TENM2: variants seen among roughly 807,000 people sequenced by gnomAD.
The protein encoded by TENM2 is teneurin-2.
Under a neutral mutation model 245.2 loss-of-function variants are expected in TENM2, and 52 were observed. The ratio of observed to expected loss-of-function variants is 0.21; its 90% CI spans 0.17 to 0.27. TENM2 has a LOEUF of 0.27. TENM2 is among the 10% of genes least tolerant of loss of function. The pLI, the probability that TENM2 is intolerant of heterozygous loss-of-function variation, is 1.00. For missense variants in TENM2, 3,046 were observed against 3,666.8 expected, an observed-to-expected ratio of 0.83 and a Z score of 4.37; for synonymous variants, 1,363 against 1,438.9, an observed-to-expected ratio of 0.95 and a Z score of 1.19.
intron 10 of TENM2, among the ~76,000 whole-genome samples, chr5:168,120,331 C>T (rs1795382718): frequency 6.6e-6 from 1 of 152,212 alleles, no homozygotes; most frequent in Admixed American, 6.5e-5. Context: ...ATTTAATAAC[C>T]CTGCTTGAAA....
chr5:167,180,768 C>T, the TENM2 span, among the ~76,000 whole-genome samples: 1 of 151,846 alleles, frequency 6.6e-6, no homozygotes, highest in African/African-American at 2.4e-5. Context: ...AATACATTTA[C>T]TATTCATTAA....
intron 2 of TENM2, among the ~76,000 whole-genome samples, chr5:167,704,828 A>T (rs34455837): frequency 0.064 from 9,663 of 152,166 alleles, 633 homozygotes; most frequent in East Asian, 0.3. Context: ...AAGAAATATG[A>T]TGTCTTCGAG....
chr5:167,647,612 G>T (rs1780050307), intron 2 of TENM2, among the ~76,000 whole-genome samples: 1 of 151,978 alleles, frequency 6.6e-6, no homozygotes. Flanking sequence ...AACAGAGAGA[G>T]ACTTAGTCTC....
intron 2 of TENM2, among the ~76,000 whole-genome samples, chr5:167,427,387 A>T (rs193262102): frequency 6.6e-6 from 1 of 151,874 alleles, no homozygotes; most frequent in African/African-American, 2.4e-5. Flanking sequence ...CAGGAGGTGG[A>T]TAGTCCAGTG....
At chr5:167,241,616 A>G in the TENM2 span, among the ~76,000 whole-genome samples, 161 of 152,338 alleles carry the variant, frequency 1.1e-3, no homozygotes, top group African/African-American at 3.8e-3. Flanking sequence ...GTGCTTCACA[A>G]AGAAAGGATT....
At chr5:168,240,994 C>G (rs952721141) in intron 25 of TENM2, 2 of 152,226 alleles carry the variant, frequency 1.3e-5, no homozygotes, top group Non-Finnish European at 2.9e-5. Flanking sequence ...AGGAGAAGAC[C>G]TATCTTTCTG....
At chr5:168,115,420 G>GA (rs1795005454) in intron 9 of TENM2, among the ~76,000 whole-genome samples, 1 of 137,622 alleles carries the variant, frequency 7.3e-6, no homozygotes, top group Admixed American at 7.2e-5. Context: ...GAAAGGAAAG[G>GA]AAGGAAAGAA....
intron 2 of TENM2, among the ~76,000 whole-genome samples, chr5:167,858,594 G>C (rs545218129): frequency 3.9e-5 from 6 of 152,042 alleles, no homozygotes; most frequent in South Asian, 2.1e-4. Flanking sequence ...GAGCCCGTCC[G>C]GCCATGGTGG....
chr5:168,021,256 G>T (rs547771545), intron 5 of TENM2, among the ~76,000 whole-genome samples: 1 of 152,296 alleles, frequency 6.6e-6, no homozygotes, highest in Admixed American at 6.5e-5. Context: ...AGGCATGAGG[G>T]CACTGGTTTC....
Position 167,349,209 on chromosome 5 carries a change from C to G in TENM2, c.227-25989C>G, listed in dbSNP as rs2061369541. Among the ~76,000 whole-genome samples, 6 of 152,202 alleles carry G rather than the reference C, an allele frequency of 3.9e-5. No homozygotes were observed. In the South Asian group the frequency reaches 1.2e-3, roughly 32 times the overall value. ...CAGCTCCGGGCATCAACTGGTTCAA[C>G]TTCAACCTCACCTTGTCATGGTTGG... On this transcript the variant is annotated intron_variant, in intron 1 of 28. Transcript: ENST00000518659.
intron 9 of TENM2, among the ~76,000 whole-genome samples, chr5:168,104,745 C>A (rs573730576): frequency 6.6e-6 from 1 of 152,022 alleles, no homozygotes; most frequent in Admixed American, 6.6e-5. Flanking sequence ...GCGTTTATTC[C>A]GCAGCCCTCA....
the TENM2 span, among the ~76,000 whole-genome samples, chr5:167,055,898 CT>C: frequency 1.3e-5 from 2 of 151,880 alleles, no homozygotes; most frequent in African/African-American, 4.8e-5. Flanking sequence ...TATACCGCTT[CT>C]TTTCTTTTCT....
the TENM2 span, among the ~76,000 whole-genome samples, chr5:167,085,909 G>A: frequency 1.3e-5 from 2 of 152,136 alleles, no homozygotes; most frequent in African/African-American, 4.8e-5. Flanking sequence ...TGCTCACGGC[G>A]ATCACTACTC....
chr5:168,012,982 A>G (rs1201987273), intron 5 of TENM2, among the ~76,000 whole-genome samples: 2 of 152,032 alleles, frequency 1.3e-5, no homozygotes, highest in African/African-American at 4.8e-5. Context: ...CTCATTGTCT[A>G]AGGATGTCTG....
At chr5:167,594,108 T>A (rs989451900) in intron 2 of TENM2, among the ~76,000 whole-genome samples, 1 of 152,146 alleles carries the variant, frequency 6.6e-6, no homozygotes, top group Non-Finnish European at 1.5e-5. Context: ...AATTTAAAAA[T>A]ATACAGTATT....
chr5:167,916,844 G>A (rs1776989236), intron 3 of TENM2, among the ~76,000 whole-genome samples: 1 of 152,232 alleles, frequency 6.6e-6, no homozygotes, highest in African/African-American at 2.4e-5. Flanking sequence ...AAAACCATCA[G>A]CCCAGGCTCT....
chr5:167,694,586 C>A (rs1757641126), intron 2 of TENM2, among the ~76,000 whole-genome samples: 1 of 152,134 alleles, frequency 6.6e-6, no homozygotes, highest in Non-Finnish European at 1.5e-5. Context: ...TCTGTCATTT[C>A]TTTGCTTCCT....
At chr5:168,067,629 G>T (rs1460017805) in intron 7 of TENM2, among the ~76,000 whole-genome samples, 1 of 151,992 alleles carries the variant, frequency 6.6e-6, no homozygotes, top group Non-Finnish European at 1.5e-5. Context: ...CTTCTTTCTT[G>T]CCTAAGTAAG....
At chr5:168,130,713 C>A (rs1038459305) in intron 12 of TENM2, among the ~76,000 whole-genome samples, 1 of 152,082 alleles carries the variant, frequency 6.6e-6, no homozygotes, top group Non-Finnish European at 1.5e-5. Flanking sequence ...GCCTGACCAA[C>A]ATGGTGAAAC....
Sources: allele counts gnomAD v4.1 joint callset (sites outside exome capture counted in the v4.1 genomes callset), GRCh38; gene constraint gnomAD v4.1.1; transcripts MANE v1.5; gene names NCBI Gene and HGNC (gene_info 2026-07-23, HGNC 2026-07-21).